The following CNTN5 variants were observed in gnomAD, a reference collection of about 807,000 sequenced individuals.
CNTN5 encodes the protein contactin 5.
A neutral mutation model predicts 129.1 loss-of-function variants in CNTN5; 77 were observed. The ratio of observed to expected loss-of-function variants is 0.60; its 90% CI spans 0.50 to 0.72. The LOEUF (loss-of-function observed/expected upper bound fraction) is 0.72. Among genes scored for constraint, CNTN5 ranks in the 30% least tolerant of loss-of-function variants. The pLI, the probability that CNTN5 is intolerant of heterozygous loss-of-function variation, is 0.00. For synonymous variants in CNTN5, 509 were observed against 465.6 expected (o/e 1.09, Z -1.20); for missense variants, 1,478 against 1,328.8 (o/e 1.11, Z -1.75).
At chr11:99,743,164 A>C (rs1943938876) in intron 3 of CNTN5, among the ~76,000 whole-genome samples, 1 of 152,198 alleles carries the variant, frequency 6.6e-6, no homozygotes, top group African/African-American at 2.4e-5. Flanking sequence ...AACAATGAAG[A>C]ATCTCAATTA....
At chr11:99,817,696 C>G (rs1425619143) in intron 3 of CNTN5, among the ~76,000 whole-genome samples, 1 of 137,890 alleles carries the variant, frequency 7.3e-6, no homozygotes, top group Non-Finnish European at 1.5e-5. Flanking sequence ...CGTTCAGAAA[C>G]TACAACTACA....
rs138826190 is a variant in CNTN5, at chr11:99,283,555, A to T, written c.-209-41791A>T. 1.6e-3 allele frequency among the ~76,000 whole-genome samples: 238 copies of T among 152,282 alleles called. 1 individual carries two copies. Among genetic ancestry groups the T allele is most frequent in the African/African-American group, 5.6e-3 (231 of 41,576 alleles). Reference sequence around the variant, plus strand: ...CTTTTATTTTGTCAAGCCTAAATTAAATGCCTCAAGGAATATATGACATAG... The same window carrying T: ...CTTTTATTTTGTCAAGCCTAAATTATATGCCTCAAGGAATATATGACATAG... On this transcript the variant is annotated intron_variant, in intron 1 of 24. Transcript: ENST00000524871.
chr11:100,004,803 T>G (rs1940090316), intron 9 of CNTN5, among the ~76,000 whole-genome samples: 1 of 152,160 alleles, frequency 6.6e-6, no homozygotes, highest in Non-Finnish European at 1.5e-5. Context: ...CAATGGGAGC[T>G]GTAATGACTG....
chr11:99,757,397 T>C (rs1010426157), intron 3 of CNTN5, among the ~76,000 whole-genome samples: 10 of 152,040 alleles, frequency 6.6e-5, no homozygotes, highest in African/African-American at 2.4e-4. Flanking sequence ...GCTCTGTTTC[T>C]ATATTTTCTG....
intron 8 of CNTN5, among the ~76,000 whole-genome samples, chr11:99,985,765 C>A (rs1001824488): frequency 3.3e-5 from 5 of 152,162 alleles, no homozygotes; most frequent in African/African-American, 7.2e-5. Flanking sequence ...AATCATCCGT[C>A]TTTTAATAAC....
intron 18 of CNTN5, among the ~76,000 whole-genome samples, chr11:100,289,207 T>C (rs879146726): frequency 6.6e-6 from 1 of 151,932 alleles, no homozygotes; most frequent in Non-Finnish European, 1.5e-5. Flanking sequence ...CCATTCCTTC[T>C]GAAACTATTC....
At chr11:99,489,960 C>G (rs2135345721) in intron 2 of CNTN5, among the ~76,000 whole-genome samples, 1 of 152,222 alleles carries the variant, frequency 6.6e-6, no homozygotes, top group South Asian at 2.1e-4. Context: ...GTGCCTTGAT[C>G]TTAAATTTTA....
intron 2 of CNTN5, among the ~76,000 whole-genome samples, chr11:99,448,105 A>G (rs1460767966): frequency 6.6e-6 from 1 of 152,158 alleles, no homozygotes; most frequent in African/African-American, 2.4e-5. Flanking sequence ...ATATATCTAT[A>G]TATTTGAATT....
At chr11:100,073,660 A>G (rs78162203) in intron 12 of CNTN5, among the ~76,000 whole-genome samples, 14,224 of 151,968 alleles carry the variant, frequency 0.094, 856 homozygotes, top group East Asian at 0.18. Context: ...AATTTTAAAA[A>G]TTAATTTTTA....
At chr11:99,205,456 C>T (rs1053138731) in intron 1 of CNTN5, among the ~76,000 whole-genome samples, 12 of 152,148 alleles carry the variant, frequency 7.9e-5, no homozygotes, top group African/African-American at 2.2e-4. Flanking sequence ...GGAAGTAATT[C>T]GTTTCTTCCT....
At chr11:99,463,108 A>AAAATAAAT (rs376289717) in intron 2 of CNTN5, among the ~76,000 whole-genome samples, 15,245 of 120,998 alleles carry the variant, frequency 0.13, 1,068 homozygotes, top group African/African-American at 0.16. Context: ...ACTCCATCTC[A>AAAATAAAT]AAATAAATAA....
chr11:99,955,677 G>A (rs2136165899), intron 7 of CNTN5, among the ~76,000 whole-genome samples: 1 of 151,794 alleles, frequency 6.6e-6, no homozygotes, highest in East Asian at 1.9e-4. Flanking sequence ...TCCTGCCTCA[G>A]CCTCCCAAGT....
At position 100,061,356 on chromosome 11, in the gene CNTN5, T is replaced by A. The variant is rs201982881; in HGVS notation, c.1125T>A (p.Arg375=). Residue 375 remains arginine (R), a synonymous_variant, in exon 10 of 25, where the codon CGT becomes CGA. Coordinates refer to ENST00000524871, the MANE Select transcript of CNTN5 (RefSeq NM_014361.4). ...GIYECRAENS[R]GKNSFRGQLQ... is the part of the protein sequence containing the mutation. ...ATGAGTGCAGAGCTGAAAACTCACG[T>A]GGAAAAAATTCCTTTCGTGGACAAT... The A allele has an allele frequency of 2.4e-4, 377 of 1,600,784 alleles. 1 individual carries two copies. In the East Asian group the frequency reaches 5.4e-3, roughly 23 times the overall value.
At chr11:100,289,330 C>A (rs1950890376) in intron 18 of CNTN5, among the ~76,000 whole-genome samples, 1 of 152,136 alleles carries the variant, frequency 6.6e-6, no homozygotes, top group Non-Finnish European at 1.5e-5. Flanking sequence ...AGACCAATAT[C>A]CTTGATGAAC....
chr11:99,534,103 A>G (rs1273021042), intron 2 of CNTN5, among the ~76,000 whole-genome samples: 1 of 152,246 alleles, frequency 6.6e-6, no homozygotes, highest in Non-Finnish European at 1.5e-5. Context: ...GCTGACTGCC[A>G]CACGGCTCTA....
rs921400794 is a variant in CNTN5 at position 100,071,263 on chromosome 11, A to G, written c.1300-442A>G. The stretch of plus-strand genomic sequence containing the variant: ...ATGGCAAACTCCTGATTGGATCCAT[A>G]TAGTAAAGGGATTGTTCTTATGACC... On this transcript the variant is annotated intron_variant, in intron 11 of 24. Transcript: ENST00000524871. Among the ~76,000 whole-genome samples, 36 of 152,088 alleles carry G rather than the reference A, an allele frequency of 2.4e-4. 1 individual carries two copies. Among genetic ancestry groups the G allele is most frequent in the Non-Finnish European group, 4.0e-4 (27 of 68,000 alleles).
intron 13 of CNTN5, among the ~76,000 whole-genome samples, chr11:100,170,645 C>T (rs1367428686): frequency 6.6e-6 from 1 of 151,916 alleles, no homozygotes; most frequent in Non-Finnish European, 1.5e-5. Flanking sequence ...CTCAAACGCA[C>T]TGAGCATGTT....
intron 2 of CNTN5, among the ~76,000 whole-genome samples, chr11:99,539,725 G>A (rs1427852059): frequency 1.3e-5 from 2 of 152,048 alleles, no homozygotes; most frequent in Non-Finnish European, 2.9e-5. Context: ...TGTTCTTTCT[G>A]TAATATTGCA....
intron 13 of CNTN5, among the ~76,000 whole-genome samples, chr11:100,190,427 A>C (rs1948445151): frequency 6.6e-6 from 1 of 152,164 alleles, no homozygotes; most frequent in Admixed American, 6.6e-5. Context: ...AGAATACGTT[A>C]ATTCCAAATG....
Sources: allele counts gnomAD v4.1 joint callset (sites outside exome capture counted in the v4.1 genomes callset), GRCh38; gene constraint gnomAD v4.1.1; transcripts MANE v1.5; gene names NCBI Gene and HGNC (gene_info 2026-07-23, HGNC 2026-07-21).